Variants in CEP83 observed in about 807,000 individuals in gnomAD.
CEP83 encodes centrosomal protein of 83 kDa.
A neutral mutation model predicts 101.9 loss-of-function variants in CEP83; 70 were observed. The observed-to-expected ratio is 0.69, with a 90% CI of 0.57 to 0.84. CEP83 has a LOEUF of 0.84. Ranked by LOEUF, CEP83 falls within the 40% of genes least tolerant of loss-of-function variation. The pLI is 0.00. For missense variants in CEP83, 715 were observed against 787.2 expected, an observed-to-expected ratio of 0.91 and a Z score of 1.10; for synonymous variants, 264 against 267.9, an observed-to-expected ratio of 0.99 and a Z score of 0.14.
chr12:94,354,165 C>T lies in CEP83; in HGVS notation c.1343+13629G>A, dbSNP rs542725207. Among the ~76,000 whole-genome samples, 4 of 152,098 alleles carry T rather than the reference C, an allele frequency of 2.6e-5. No homozygotes were observed. In the South Asian group the frequency reaches 6.2e-4, roughly 24 times the overall value. ...ACTTGTAAAACATTTCATCCAGTAGCTGGAGAATGCAGAGTACTCATTCTT... is the reference window on the plus strand; with the variant it reads ...ACTTGTAAAACATTTCATCCAGTAGTTGGAGAATGCAGAGTACTCATTCTT... On this transcript the variant is annotated intron_variant, in intron 11 of 16. Transcript: ENST00000397809.
the CEP83 span, chr12:94,294,520 A>T: frequency 1.5e-6 from 2 of 1,313,754 alleles, no homozygotes; most frequent in Non-Finnish European, 2.2e-6. Context: ...GTCTTTAAGA[A>T]GATAGCAAAT....
At chr12:94,439,877 T>A (rs187916178) in intron 1 of CEP83, among the ~76,000 whole-genome samples, 42 of 152,094 alleles carry the variant, frequency 2.8e-4, no homozygotes, top group African/African-American at 1.0e-3. Flanking sequence ...GGATGCAGGG[T>A]TGGCTTAACA....
At chr12:94,387,425 C>G (rs1391577837) in intron 6 of CEP83, among the ~76,000 whole-genome samples, 4 of 152,170 alleles carry the variant, frequency 2.6e-5, no homozygotes, top group Non-Finnish European at 4.4e-5. Flanking sequence ...GCCTGATGAT[C>G]TAAGGTGGAA....
intron 6 of CEP83, among the ~76,000 whole-genome samples, chr12:94,384,800 A>C (rs2062041031): frequency 6.6e-6 from 1 of 152,000 alleles, no homozygotes. Context: ...TGTTTGTTTC[A>C]ACCACGTTTA....
At position 94,321,895 on chromosome 12, in the gene CEP83, T is replaced by C. The variant is rs115162131; in HGVS notation, c.1708-8878A>G. 5.2e-3 allele frequency among the ~76,000 whole-genome samples: 790 copies of C among 152,162 alleles called. 5 individuals are homozygous for C. The highest frequency in any genetic ancestry group is 0.018 in the African/African-American group (744 of 41,492). ...ATAGAATCAAGGACCCAAATAACAG[T>C]CTGGCCACTTTTCCATAGGGCTGCT... On this transcript the variant is annotated intron_variant, in intron 14 of 16. Coordinates refer to ENST00000397809, the MANE Select transcript of CEP83 (RefSeq NM_016122.3).
chr12:94,387,799 C>T (rs1016024618), intron 6 of CEP83, among the ~76,000 whole-genome samples: 1 of 151,760 alleles, frequency 6.6e-6, no homozygotes, highest in African/African-American at 2.4e-5. Flanking sequence ...CAAAAGAAGA[C>T]ATATAAGCAG....
At chr12:94,305,480 G>A (rs1156635995), downstream of CEP83, 1 of 514,992 alleles carries the variant, frequency 1.9e-6, no homozygotes, top group Non-Finnish European at 3.5e-6. Context: ...TGTATACCGT[G>A]GGAACCCTTC....
chr12:94,355,480 G>C (rs1203023547), intron 11 of CEP83, among the ~76,000 whole-genome samples: 1 of 152,056 alleles, frequency 6.6e-6, no homozygotes, highest in African/African-American at 2.4e-5. Flanking sequence ...AACAGAGCGA[G>C]ACTCCGTCTC....
the CEP83 span, among the ~76,000 whole-genome samples, chr12:94,266,801 C>T: frequency 3.3e-4 from 50 of 152,358 alleles, 1 homozygote; most frequent in East Asian, 8.5e-3. Flanking sequence ...GCACTTAGAA[C>T]ATTGCCAGGC....
the CEP83 span, among the ~76,000 whole-genome samples, chr12:94,290,457 T>C: frequency 1.3e-5 from 2 of 152,244 alleles, no homozygotes; most frequent in African/African-American, 4.8e-5. Flanking sequence ...GAGTTAAGAA[T>C]CCCTGCTGGA....
intron 4 of CEP83, among the ~76,000 whole-genome samples, chr12:94,404,699 T>C (rs949375335): frequency 1.3e-5 from 2 of 152,102 alleles, no homozygotes; most frequent in African/African-American, 4.8e-5. Flanking sequence ...ACTTTAAAAA[T>C]TTATTTTATT....
At chr12:94,325,561 A>G (rs1366820327) in intron 14 of CEP83, among the ~76,000 whole-genome samples, 1 of 152,158 alleles carries the variant, frequency 6.6e-6, no homozygotes, top group East Asian at 1.9e-4. Context: ...TACAATGTAA[A>G]CTCCATGGTG....
intron 11 of CEP83, among the ~76,000 whole-genome samples, chr12:94,336,107 T>C (rs2059437562): frequency 6.6e-6 from 1 of 152,172 alleles, no homozygotes; most frequent in East Asian, 1.9e-4. Flanking sequence ...AGACACACGC[T>C]ACTTCATTTT....
downstream of CEP83, among the ~76,000 whole-genome samples, chr12:94,304,977 G>A (rs552002905): frequency 2.6e-5 from 4 of 152,300 alleles, no homozygotes; most frequent in East Asian, 1.9e-4. Context: ...TATTTCTTGC[G>A]AGCTTCTATT....
the CEP83 span, among the ~76,000 whole-genome samples, chr12:94,299,122 A>G: frequency 6.6e-6 from 1 of 152,222 alleles, no homozygotes; most frequent in Non-Finnish European, 1.5e-5. Flanking sequence ...TTTGCATTAG[A>G]GAAAATTTTA....
intron 2 of CEP83, among the ~76,000 whole-genome samples, chr12:94,419,983 G>A (rs887724823): frequency 2.0e-5 from 3 of 152,196 alleles, no homozygotes; most frequent in African/African-American, 4.8e-5. Flanking sequence ...TAATGAGACC[G>A]AGCACCTTTT....
chr12:94,425,273 C>T (rs1015183880), intron 2 of CEP83, among the ~76,000 whole-genome samples: 7 of 152,152 alleles, frequency 4.6e-5, no homozygotes, highest in African/African-American at 1.7e-4. Context: ...AACCTAAGTG[C>T]TTGGACCAAG....
downstream of CEP83, chr12:94,305,421 C>G (rs1968903968): frequency 1.6e-6 from 1 of 610,230 alleles, no homozygotes; most frequent in African/African-American, 1.9e-5. Context: ...TTTAAGAGAC[C>G]AAGGCACATG....
downstream of CEP83, chr12:94,303,693 C>CTT (rs373777720): frequency 1.6e-3 from 1,147 of 699,564 alleles, 3 homozygotes; most frequent in East Asian, 9.5e-3. Context: ...ATTCCTCCAT[C>CTT]TTTTTTTTTT....
Sources: gnomAD v4.1 joint callset for allele counts (sites outside exome capture counted in the v4.1 genomes callset) on GRCh38, gnomAD v4.1.1 for gene constraint, MANE v1.5 for transcripts, NCBI Gene and HGNC (gene_info 2026-07-23, HGNC 2026-07-21) for gene names.